The following PTK2 variants were observed in gnomAD, a reference collection of about 807,000 sequenced individuals.
PTK2 encodes protein tyrosine kinase 2.
PTK2 carries 45 observed loss-of-function variants against 150.1 expected under a neutral mutation model. The observed-to-expected ratio is 0.30, with a 90% confidence interval of 0.24 to 0.38. PTK2 has a LOEUF of 0.38. PTK2 is among the 10% of genes least tolerant of loss of function. The pLI is 1.00. For missense variants in PTK2, 919 were observed against 1,307.3 expected (o/e 0.70, Z 4.58); for synonymous variants, 432 against 449.2 (o/e 0.96, Z 0.48).
chr8:140,920,722 A>C, intron 2 of PTK2: 2 of 1,190,646 alleles, frequency 1.7e-6, no homozygotes, highest in Non-Finnish European at 2.2e-6. Flanking sequence ...CTGTAAATAT[A>C]TTGAAATAAA....
chr8:140,955,353 T>A lies in PTK2; in HGVS notation c.-121-29604A>T, dbSNP rs558231281. 3.8e-4 allele frequency among the ~76,000 whole-genome samples: 58 copies of A among 152,234 alleles called. 1 individual carries two copies. In the South Asian group the frequency reaches 5.8e-3, roughly 15 times the overall value. On this transcript the variant is annotated intron_variant, in intron 1 of 31. Coordinates refer to ENST00000522684, the Ensembl canonical transcript of PTK2. ...TATAGGGGAGTTCCCCTGCACACAC[T>A]CTCTCTTGCCTGCTGCCGTGTGTAA...
chr8:140,946,313 T>C (rs868224725), intron 1 of PTK2, among the ~76,000 whole-genome samples: 5 of 152,038 alleles, frequency 3.3e-5, no homozygotes, highest in Non-Finnish European at 5.9e-5. Flanking sequence ...CAATACTGAG[T>C]TATGTTTAAA....
chr8:140,895,100 T>C (rs2100155639), intron 2 of PTK2, among the ~76,000 whole-genome samples: 1 of 152,178 alleles, frequency 6.6e-6, no homozygotes. Flanking sequence ...AAATGTTCCA[T>C]TGTCAGGAAA....
At chr8:140,956,664 T>C (rs1316116889) in intron 1 of PTK2, among the ~76,000 whole-genome samples, 1 of 152,196 alleles carries the variant, frequency 6.6e-6, no homozygotes, top group Non-Finnish European at 1.5e-5. Flanking sequence ...GACTTTCCAG[T>C]GGGACAAGAT....
chr8:140,658,878 G>C, exon 32 of PTK2: 1 of 226,702 alleles, frequency 4.4e-6, no homozygotes, highest in Non-Finnish European at 8.8e-6. Flanking sequence ...TAAAAGGCAG[G>C]TAAGACAAAA....
intron 2 of PTK2, among the ~76,000 whole-genome samples, chr8:140,918,013 T>C (rs1267567801): frequency 6.6e-6 from 1 of 152,190 alleles, no homozygotes; most frequent in Non-Finnish European, 1.5e-5. Flanking sequence ...TCAACAAATA[T>C]TTAACAAACA....
intron 20 of PTK2, among the ~76,000 whole-genome samples, chr8:140,742,487 T>C (rs1167154696): frequency 6.6e-6 from 1 of 152,236 alleles, no homozygotes; most frequent in African/African-American, 2.4e-5. Flanking sequence ...CCATTTTACA[T>C]TCCCAGCAGC....
At chr8:140,669,311 A>G (rs1419967996) in intron 29 of PTK2, 22 of 119,024 alleles carry the variant, frequency 1.8e-4, no homozygotes, top group African/African-American at 5.6e-4. Context: ...GTATATATAT[A>G]TATATATATA....
chr8:140,843,673 G>A (rs1214001377), intron 7 of PTK2, among the ~76,000 whole-genome samples: 2 of 152,070 alleles, frequency 1.3e-5, no homozygotes, highest in Non-Finnish European at 1.5e-5. Flanking sequence ...ACTACTTGCT[G>A]ACCTCAATTC....
intron 4 of PTK2, among the ~76,000 whole-genome samples, chr8:140,875,285 GA>G (rs1400157630): frequency 1.3e-5 from 2 of 152,190 alleles, no homozygotes; most frequent in Admixed American, 1.3e-4. Context: ...GGAAAAAAGG[GA>G]GGTGAGACAA....
At chr8:140,814,152 T>C (rs2100103302) in intron 10 of PTK2, among the ~76,000 whole-genome samples, 1 of 152,078 alleles carries the variant, frequency 6.6e-6, no homozygotes, top group Non-Finnish European at 1.5e-5. Context: ...TGAAATTGAA[T>C]CCGTAATAAA....
intron 5 of PTK2, among the ~76,000 whole-genome samples, chr8:140,851,978 T>C (rs1020190713): frequency 3.3e-5 from 5 of 152,078 alleles, no homozygotes; most frequent in African/African-American, 1.2e-4. Context: ...CATGCACACA[T>C]ACATGTGTGT....
At chr8:140,776,573 T>C (rs1422934459) in intron 14 of PTK2, among the ~76,000 whole-genome samples, 1 of 152,158 alleles carries the variant, frequency 6.6e-6, no homozygotes, top group African/African-American at 2.4e-5. Context: ...AAGAATAGCA[T>C]CAAAAATAAC....
At chr8:140,850,698 C>A (rs1048718417) in intron 5 of PTK2, among the ~76,000 whole-genome samples, 1 of 152,092 alleles carries the variant, frequency 6.6e-6, no homozygotes, top group Admixed American at 6.5e-5. Flanking sequence ...TCACTGCACT[C>A]CAGCCTGGGC....
At chr8:140,858,277 T>C (rs1001387254) in intron 5 of PTK2, among the ~76,000 whole-genome samples, 2 of 151,846 alleles carry the variant, frequency 1.3e-5, no homozygotes, top group Non-Finnish European at 2.9e-5. Context: ...AGTTCTAACA[T>C]AGATCTAACC....
intron 1 of PTK2, among the ~76,000 whole-genome samples, chr8:140,951,484 G>T (rs967100587): frequency 6.6e-6 from 1 of 152,118 alleles, no homozygotes; most frequent in African/African-American, 2.4e-5. Context: ...CGGTGGGGGG[G>T]AATTACAGGA....
intron 24 of PTK2, among the ~76,000 whole-genome samples, chr8:140,704,872 T>C (rs952224097): frequency 6.6e-6 from 1 of 152,188 alleles, no homozygotes; most frequent in Non-Finnish European, 1.5e-5. Flanking sequence ...TTTGTCTTCA[T>C]ATTCCCAGTC....
chr8:140,736,237 G>C (rs2100052524), intron 21 of PTK2, among the ~76,000 whole-genome samples: 1 of 152,232 alleles, frequency 6.6e-6, no homozygotes, highest in African/African-American at 2.4e-5. Flanking sequence ...GGAAACAACT[G>C]AAAGCCATTT....
At chr8:140,836,095 C>T (rs2100118520) in intron 7 of PTK2, among the ~76,000 whole-genome samples, 1 of 151,900 alleles carries the variant, frequency 6.6e-6, no homozygotes, top group African/African-American at 2.4e-5. Flanking sequence ...TTTAATCAGA[C>T]TTTTTAAAAT....
Sources: allele counts gnomAD v4.1 joint callset (sites outside exome capture counted in the v4.1 genomes callset), GRCh38; gene constraint gnomAD v4.1.1; transcripts MANE v1.5; gene names NCBI Gene and HGNC (gene_info 2026-07-23, HGNC 2026-07-21).